Variants in HEMK2 observed in about 807,000 individuals in gnomAD.
HEMK2 encodes methyltransferase HEMK2.
the HEMK2 span, among the ~76,000 whole-genome samples, chr21:28,682,100 C>T: frequency 6.6e-6 from 1 of 152,022 alleles, no homozygotes; most frequent in Non-Finnish European, 1.5e-5. Context: ...AAACTACCAT[C>T]AGAGTGAACA....
chr21:28,734,728 A>C, the HEMK2 span, among the ~76,000 whole-genome samples: 1 of 152,192 alleles, frequency 6.6e-6, no homozygotes, highest in Non-Finnish European at 1.5e-5. Flanking sequence ...TTTCTATCTG[A>C]AGAATCATCA....
At chr21:28,681,306 T>C in the HEMK2 span, among the ~76,000 whole-genome samples, 1 of 152,116 alleles carries the variant, frequency 6.6e-6, no homozygotes, top group Non-Finnish European at 1.5e-5. Flanking sequence ...TCACAATTGC[T>C]TCAAAGAGAA....
the HEMK2 span, among the ~76,000 whole-genome samples, chr21:28,850,742 G>C: frequency 6.6e-6 from 1 of 152,108 alleles, no homozygotes. Flanking sequence ...TGTTAGTCAG[G>C]GTTCTCTAGA....
chr21:28,746,987 G>A, the HEMK2 span, among the ~76,000 whole-genome samples: 2,503 of 152,308 alleles, frequency 0.016, 73 homozygotes, highest in African/African-American at 0.056. Flanking sequence ...AGGAATTTAT[G>A]GTGCAGAGAA....
the HEMK2 span, among the ~76,000 whole-genome samples, chr21:28,746,211 T>A: frequency 9.2e-5 from 14 of 152,316 alleles, no homozygotes; most frequent in Middle Eastern, 0.01. Flanking sequence ...CAACAGCTGA[T>A]ATTTATTTGG....
At chr21:28,623,689 T>C in the HEMK2 span, among the ~76,000 whole-genome samples, 1 of 152,140 alleles carries the variant, frequency 6.6e-6, no homozygotes, top group Non-Finnish European at 1.5e-5. Context: ...TTGAGGGACA[T>C]GGATGAAGCT....
At chr21:28,583,736 T>C in the HEMK2 span, among the ~76,000 whole-genome samples, 2 of 152,204 alleles carry the variant, frequency 1.3e-5, no homozygotes, top group African/African-American at 4.8e-5. Context: ...TTGTGCAGCA[T>C]TGCATGGTTC....
At chr21:28,631,585 T>A in the HEMK2 span, among the ~76,000 whole-genome samples, 2 of 152,030 alleles carry the variant, frequency 1.3e-5, no homozygotes, top group African/African-American at 2.4e-5. Context: ...AGAAAAAAAA[T>A]GGCATATGTA....
chr21:28,599,033 A>G, the HEMK2 span, among the ~76,000 whole-genome samples: 1 of 152,226 alleles, frequency 6.6e-6, no homozygotes, highest in Non-Finnish European at 1.5e-5. Context: ...TAAAGTTGCA[A>G]AGAATCCTAA....
the HEMK2 span, among the ~76,000 whole-genome samples, chr21:28,758,910 G>A: frequency 1.1e-4 from 17 of 152,102 alleles, no homozygotes; most frequent in Non-Finnish European, 2.2e-4. Flanking sequence ...TGCCTGCTGC[G>A]GCCCCTCTCC....
the HEMK2 span, among the ~76,000 whole-genome samples, chr21:28,799,411 A>G: frequency 6.6e-6 from 1 of 152,200 alleles, no homozygotes; most frequent in Admixed American, 6.5e-5. Flanking sequence ...GGTCCCTCCC[A>G]CAACATGTAG....
chr21:28,655,022 A>G, the HEMK2 span, among the ~76,000 whole-genome samples: 2 of 152,040 alleles, frequency 1.3e-5, no homozygotes, highest in Non-Finnish European at 2.9e-5. Context: ...ACTCACCTGG[A>G]AACTAATTCA....
chr21:28,800,646 A>G, the HEMK2 span, among the ~76,000 whole-genome samples: 1 of 152,168 alleles, frequency 6.6e-6, no homozygotes, highest in African/African-American at 2.4e-5. Context: ...ATCTATATAT[A>G]TGTGTATATG....
At chr21:28,739,144 G>A in the HEMK2 span, among the ~76,000 whole-genome samples, 7 of 152,292 alleles carry the variant, frequency 4.6e-5, no homozygotes, top group East Asian at 1.2e-3. Context: ...AGCAGCAAAA[G>A]TACATTGACA....
At chr21:28,625,957 G>A in the HEMK2 span, among the ~76,000 whole-genome samples, 2 of 151,656 alleles carry the variant, frequency 1.3e-5, no homozygotes, top group Non-Finnish European at 2.9e-5. Flanking sequence ...GAATTTGTCA[G>A]CATCAATCTG....
chr21:28,635,345 G>T, the HEMK2 span, among the ~76,000 whole-genome samples: 1 of 151,958 alleles, frequency 6.6e-6, no homozygotes, highest in Non-Finnish European at 1.5e-5. Flanking sequence ...CTCGTGATCT[G>T]CCCACCTCGG....
At chr21:28,710,902 G>T in the HEMK2 span, among the ~76,000 whole-genome samples, 1 of 152,064 alleles carries the variant, frequency 6.6e-6, no homozygotes, top group Non-Finnish European at 1.5e-5. Context: ...CATTGTTCAT[G>T]AGAAAATTCT....
chr21:28,789,368 G>A, the HEMK2 span, among the ~76,000 whole-genome samples: 1 of 152,188 alleles, frequency 6.6e-6, no homozygotes, highest in Non-Finnish European at 1.5e-5. Context: ...AGATATGGAT[G>A]CCCAACTGAA....
the HEMK2 span, among the ~76,000 whole-genome samples, chr21:28,597,924 A>T: frequency 6.6e-6 from 1 of 152,198 alleles, no homozygotes; most frequent in Non-Finnish European, 1.5e-5. Flanking sequence ...AGAAACTTGA[A>T]CAGAAATCGT....
Sources: gnomAD v4.1 joint callset for allele counts (sites outside exome capture counted in the v4.1 genomes callset) on GRCh38, gnomAD v4.1.1 for gene constraint, MANE v1.5 for transcripts, NCBI Gene and HGNC (gene_info 2026-07-23, HGNC 2026-07-21) for gene names.